The following PHTF2 variants were observed in gnomAD, a reference collection of about 807,000 sequenced individuals.
The protein encoded by PHTF2 is putative homeodomain transcription factor 2.
A neutral mutation model predicts 101.2 loss-of-function variants in PHTF2; 60 were observed. The observed-to-expected ratio is 0.59, with a 90% CI of 0.48 to 0.73. The LOEUF (loss-of-function observed/expected upper bound fraction) is 0.73. Ranked by LOEUF, PHTF2 falls within the 30% of genes least tolerant of loss-of-function variation. PHTF2 has a pLI of 0.00. For synonymous variants in PHTF2, 311 were observed against 307.3 expected (o/e 1.01, Z -0.13); for missense variants, 747 against 908.7 (o/e 0.82, Z 2.29).
At chr7:77,834,720 A>G (rs995724146) in intron 1 of PHTF2, among the ~76,000 whole-genome samples, 2 of 152,242 alleles carry the variant, frequency 1.3e-5, no homozygotes, top group East Asian at 3.8e-4. Flanking sequence ...AGCTCTTAGT[A>G]TCAGAACTTG....
intron 2 of PHTF2, among the ~76,000 whole-genome samples, chr7:77,847,747 G>T (rs1349830965): frequency 6.6e-6 from 1 of 152,052 alleles, no homozygotes; most frequent in Non-Finnish European, 1.5e-5. Context: ...TTAAATTGTA[G>T]AGTAAATTAT....
intron 11 of PHTF2, among the ~76,000 whole-genome samples, chr7:77,927,177 A>AATATATATATATAT (rs386410516): frequency 5.1e-5 from 4 of 78,156 alleles, no homozygotes; most frequent in Non-Finnish European, 9.7e-5. Context: ...AAAAAAAAAA[A>AATATATATATATAT]ATATATATAT....
At chr7:77,939,223 G>A (rs1033817440) in intron 13 of PHTF2, among the ~76,000 whole-genome samples, 1 of 151,622 alleles carries the variant, frequency 6.6e-6, no homozygotes, top group African/African-American at 2.4e-5. Flanking sequence ...TTCCCTTTCT[G>A]TTTAATTTCT....
chr7:77,933,569 A>C (rs1331673590), intron 12 of PHTF2, among the ~76,000 whole-genome samples: 2 of 152,324 alleles, frequency 1.3e-5, no homozygotes, highest in Admixed American at 6.5e-5. Flanking sequence ...TGAACAATCC[A>C]TGAAAGCATA....
At chr7:77,929,579 G>A (rs1466666250) in intron 12 of PHTF2, among the ~76,000 whole-genome samples, 1 of 152,112 alleles carries the variant, frequency 6.6e-6, no homozygotes, top group Non-Finnish European at 1.5e-5. Flanking sequence ...AGGTGCAATA[G>A]TACTTTCTTA....
chr7:77,836,647 TA>T (rs1386148301), intron 1 of PHTF2, among the ~76,000 whole-genome samples: 5 of 152,086 alleles, frequency 3.3e-5, no homozygotes, highest in African/African-American at 1.2e-4. Flanking sequence ...TATGCAGCCA[TA>T]AAAAAGGATG....
chr7:77,902,072 G>A (rs1015944180), intron 7 of PHTF2, among the ~76,000 whole-genome samples, 152 bp downstream of exon 6: 1 of 150,446 alleles, frequency 6.6e-6, no homozygotes, highest in African/African-American at 2.5e-5. Context: ...AAAAATATTT[G>A]AGAAAACAAA....
chr7:77,913,603 T>C (rs1802616674), intron 9 of PHTF2, among the ~76,000 whole-genome samples: 1 of 152,062 alleles, frequency 6.6e-6, no homozygotes, highest in Non-Finnish European at 1.5e-5. Flanking sequence ...CATTTCACCG[T>C]GACAATATCA....
rs182990542 is a variant in PHTF2, at chr7:77,834,437, A to G, written c.-35-5784A>G. Among the ~76,000 whole-genome samples, 27 of 152,320 alleles carry G rather than the reference A, an allele frequency of 1.8e-4. No homozygotes were observed. In the East Asian group the frequency reaches 4.4e-3, roughly 25 times the overall value. ...GCTATACATTGTTCTTTGTATCACA[A>G]ATTCCAGAAACATGAAGATAAATGA... On this transcript the variant is annotated intron_variant, in intron 1 of 19. Transcript: ENST00000416283.
At chr7:77,863,397 A>G (rs1397894186) in intron 3 of PHTF2, among the ~76,000 whole-genome samples, 2 of 152,148 alleles carry the variant, frequency 1.3e-5, no homozygotes, top group Non-Finnish European at 2.9e-5. Flanking sequence ...AGCAGGGTGT[A>G]TTTCTAATTA....
intron 1 of PHTF2, among the ~76,000 whole-genome samples, chr7:77,806,173 A>AT (rs1258769438): frequency 6.6e-6 from 1 of 152,056 alleles, no homozygotes; most frequent in Non-Finnish European, 1.5e-5. Flanking sequence ...TCAAAAAAAA[A>AT]AAAAAGTCAA....
intron 9 of PHTF2, among the ~76,000 whole-genome samples, chr7:77,911,160 A>G (rs1436927593): frequency 6.6e-6 from 1 of 151,916 alleles, no homozygotes; most frequent in African/African-American, 2.4e-5. Context: ...ACAATGTACC[A>G]TGAGCATTTG....
intron 1 of PHTF2, among the ~76,000 whole-genome samples, chr7:77,823,571 T>TA (rs1384188359): frequency 6.6e-6 from 1 of 152,248 alleles, no homozygotes; most frequent in East Asian, 1.9e-4. Flanking sequence ...CCATGGCTTA[T>TA]ATGTTCTCAC....
chr7:77,803,158 G>C (rs1181247145), intron 1 of PHTF2, among the ~76,000 whole-genome samples: 2 of 152,106 alleles, frequency 1.3e-5, no homozygotes, highest in African/African-American at 4.8e-5. Context: ...TCTGGGTACT[G>C]AACAGGAACT....
intron 5 of PHTF2, among the ~76,000 whole-genome samples, chr7:77,899,732 G>A (rs1373999888): frequency 1.3e-5 from 2 of 152,080 alleles, no homozygotes; most frequent in Admixed American, 6.6e-5. Context: ...CTTTGATGGG[G>A]GGTGTCATTG....
intron 5 of PHTF2, chr7:77,895,323 C>A: frequency 1.1e-5 from 3 of 280,082 alleles, no homozygotes; most frequent in Non-Finnish European, 2.1e-5. Flanking sequence ...AAATAACTAA[C>A]ATTTAATGGG....
intron 2 of PHTF2, among the ~76,000 whole-genome samples, chr7:77,842,879 G>T (rs1461484470): frequency 6.6e-6 from 1 of 152,200 alleles, no homozygotes; most frequent in African/African-American, 2.4e-5. Context: ...TAGCACAAAA[G>T]CAGCCATAGA....
At chr7:77,811,638 T>G (rs1793449317) in intron 1 of PHTF2, among the ~76,000 whole-genome samples, 1 of 152,232 alleles carries the variant, frequency 6.6e-6, no homozygotes, top group East Asian at 1.9e-4. Flanking sequence ...GTTTTATCAT[T>G]TTGCCAATGT....
intron 3 of PHTF2, among the ~76,000 whole-genome samples, chr7:77,871,695 G>A (rs889167817): frequency 2.6e-5 from 4 of 152,162 alleles, no homozygotes; most frequent in Admixed American, 6.5e-5. Flanking sequence ...CCTAGTTGCC[G>A]TTGTAATTGT....
Sources: gnomAD v4.1 joint callset for allele counts (sites outside exome capture counted in the v4.1 genomes callset) on GRCh38, gnomAD v4.1.1 for gene constraint, MANE v1.5 for transcripts, NCBI Gene and HGNC (gene_info 2026-07-23, HGNC 2026-07-21) for gene names.